Variants in SEMA3A observed in about 807,000 individuals in gnomAD.
SEMA3A encodes semaphorin-3A.
In SEMA3A, 29 loss-of-function variants were observed where a neutral mutation model predicts 97.9. The observed-to-expected ratio is 0.30, with a 90% CI of 0.22 to 0.40. SEMA3A has a LOEUF of 0.40. Among genes scored for constraint, SEMA3A ranks in the 10% least tolerant of loss-of-function variants. The probability of loss-of-function intolerance (pLI) is 1.00; values close to 1 mark genes in which losing one functional copy is unlikely to be tolerated. For missense variants in SEMA3A, 763 were observed against 951.3 expected (o/e 0.80, Z 2.60); for synonymous variants, 321 against 323.7 (o/e 0.99, Z 0.09).
chr7:84,299,606 G>C (rs550471633), intron 3 of SEMA3A, among the ~76,000 whole-genome samples: 2 of 151,356 alleles, frequency 1.3e-5, no homozygotes, highest in East Asian at 1.9e-4. Flanking sequence ...GGACAGCTTA[G>C]AATTACTTGA....
chr7:84,028,836 G>T (rs932854124), intron 6 of SEMA3A, among the ~76,000 whole-genome samples: 1 of 152,028 alleles, frequency 6.6e-6, no homozygotes, highest in East Asian at 1.9e-4. Flanking sequence ...AGCCAGGATG[G>T]TCTCAATCTC....
chr7:84,091,762 C>A (rs1794611442), intron 4 of SEMA3A, among the ~76,000 whole-genome samples: 1 of 152,130 alleles, frequency 6.6e-6, no homozygotes, highest in African/African-American at 2.4e-5. Context: ...TATCCAGAAA[C>A]TTAATGATGT....
At chr7:84,444,262 C>G (rs1805349306) in intron 1 of SEMA3A, among the ~76,000 whole-genome samples, 1 of 152,098 alleles carries the variant, frequency 6.6e-6, no homozygotes, top group African/African-American at 2.4e-5. Context: ...AGAAATCATA[C>G]AGGATCTTAA....
chr7:84,067,017 A>C (rs959986840), intron 4 of SEMA3A, among the ~76,000 whole-genome samples: 1 of 152,172 alleles, frequency 6.6e-6, no homozygotes, highest in African/African-American at 2.4e-5. Flanking sequence ...CCTGACTTCA[A>C]ACTATACTAC....
intron 3 of SEMA3A, among the ~76,000 whole-genome samples, chr7:84,282,085 G>A (rs1055439091): frequency 6.6e-6 from 1 of 152,070 alleles, no homozygotes; most frequent in African/African-American, 2.4e-5. Flanking sequence ...CACCAACGTT[G>A]CACTGACAAA....
intron 3 of SEMA3A, among the ~76,000 whole-genome samples, chr7:84,294,140 C>T (rs6952691): frequency 0.45 from 67,757 of 151,688 alleles, 16,162 homozygotes; most frequent in East Asian, 0.61. Flanking sequence ...TACTTCTCTC[C>T]TTGTCTATTT....
chr7:84,405,074 G>T (rs1804037424), intron 1 of SEMA3A, among the ~76,000 whole-genome samples: 3 of 152,096 alleles, frequency 2.0e-5, no homozygotes, highest in South Asian at 4.1e-4. Flanking sequence ...TGGGCTAAAT[G>T]CTCCAATTAA....
intron 1 of SEMA3A, among the ~76,000 whole-genome samples, chr7:84,149,257 G>A (rs1013830859): frequency 1.3e-5 from 2 of 152,102 alleles, no homozygotes; most frequent in Non-Finnish European, 2.9e-5. Flanking sequence ...TATCTTAATT[G>A]GCAAATGAGA....
chr7:84,103,511 C>G (rs1231127401), intron 4 of SEMA3A, among the ~76,000 whole-genome samples: 7 of 152,078 alleles, frequency 4.6e-5, no homozygotes, highest in Non-Finnish European at 1.0e-4. Flanking sequence ...AAAAACAAGA[C>G]TGAGAGATAA....
intron 3 of SEMA3A, among the ~76,000 whole-genome samples, chr7:84,297,052 A>G (rs1231953089): frequency 6.6e-6 from 1 of 152,168 alleles, no homozygotes; most frequent in East Asian, 1.9e-4. Context: ...ATCTCAGCTC[A>G]CTGCAACATC....
At chr7:84,191,561 A>G (rs1244282110) in intron 1 of SEMA3A, among the ~76,000 whole-genome samples, 1 of 151,890 alleles carries the variant, frequency 6.6e-6, no homozygotes, top group African/African-American at 2.4e-5. Context: ...ATGGAAGATT[A>G]TATGATTTTC....
At chr7:84,409,054 AAT>A (rs200340550) in intron 1 of SEMA3A, among the ~76,000 whole-genome samples, 1,928 of 148,852 alleles carry the variant, frequency 0.013, 25 homozygotes, top group Admixed American at 0.045. Flanking sequence ...TAATAATAAA[AAT>A]ATATATATAT....
chr7:84,047,353 T>C (rs533487734), intron 5 of SEMA3A, among the ~76,000 whole-genome samples: 6 of 152,134 alleles, frequency 3.9e-5, no homozygotes, highest in African/African-American at 1.4e-4. Flanking sequence ...CTTGACACTT[T>C]CAAGTTATCT....
At chr7:84,189,957 ATAG>A (rs1797990117) in intron 1 of SEMA3A, among the ~76,000 whole-genome samples, 1 of 151,716 alleles carries the variant, frequency 6.6e-6, no homozygotes, top group Non-Finnish European at 1.5e-5. Context: ...GTCACTGACA[ATAG>A]TAGAACTCTA....
At chr7:84,238,763 G>A (rs1349794032) in intron 3 of SEMA3A, among the ~76,000 whole-genome samples, 1 of 151,326 alleles carries the variant, frequency 6.6e-6, no homozygotes, top group Non-Finnish European at 1.5e-5. Flanking sequence ...TGCTCAGGCT[G>A]GAGTACGGTG....
intron 3 of SEMA3A, among the ~76,000 whole-genome samples, chr7:84,277,028 A>T (rs1800316223): frequency 6.6e-6 from 1 of 152,060 alleles, no homozygotes; most frequent in Admixed American, 6.6e-5. Flanking sequence ...ATGTACCTAA[A>T]TGTGCTGCTT....
At chr7:84,439,371 T>C (rs530055758) in intron 1 of SEMA3A, among the ~76,000 whole-genome samples, 1 of 152,268 alleles carries the variant, frequency 6.6e-6, no homozygotes, top group East Asian at 1.9e-4. Context: ...AATTTTACTT[T>C]CCTGCCTGCC....
chr7:84,211,258 C>G (rs1206479807), intron 3 of SEMA3A, among the ~76,000 whole-genome samples: 1 of 152,018 alleles, frequency 6.6e-6, no homozygotes, highest in African/African-American at 2.4e-5. Context: ...ACAAAGGAGG[C>G]AAATATGCTA....
At chr7:84,433,124 C>T (rs1370491397) in intron 1 of SEMA3A, among the ~76,000 whole-genome samples, 2 of 151,602 alleles carry the variant, frequency 1.3e-5, no homozygotes, top group Admixed American at 6.6e-5. Context: ...ATGTGCAGAA[C>T]GTGCAGGTTT....
Sources: gnomAD v4.1 joint callset for allele counts (sites outside exome capture counted in the v4.1 genomes callset) on GRCh38, gnomAD v4.1.1 for gene constraint, MANE v1.5 for transcripts, NCBI Gene and HGNC (gene_info 2026-07-23, HGNC 2026-07-21) for gene names.